The following GLT8D2 variants were observed in gnomAD, a reference collection of about 807,000 sequenced individuals.
GLT8D2 encodes the protein glycosyltransferase 8 domain containing 2, also known as glycosyltransferase 8 domain-containing protein 2.
Under a neutral mutation model 44.5 loss-of-function variants are expected in GLT8D2, and 45 were observed. The observed-to-expected ratio is 1.01, with a 90% CI of 0.80 to 1.30. The LOEUF (loss-of-function observed/expected upper bound fraction) is 1.30. GLT8D2 is among the 50% of genes most tolerant of loss of function. GLT8D2 has a pLI of 0.00. For missense variants in GLT8D2, 400 were observed against 430.4 expected, an observed-to-expected ratio of 0.93 and a Z score of 0.62; for synonymous variants, 156 against 157.2, an observed-to-expected ratio of 0.99 and a Z score of 0.06.
chr12:103,999,446 A>G lies in GLT8D2; in HGVS notation c.353T>C (p.Leu118Pro). 6.2e-7 allele frequency: 1 copy of G among 1,613,498 alleles called. No individual in the cohort carries two copies. ...TGAGTCTGGTCTGATCTTCCCTTTGAGGACCATCGGGTTGAATTCCACGAT... is the reference window on the plus strand; with the variant it reads ...TGAGTCTGGTCTGATCTTCCCTTTGGGGACCATCGGGTTGAATTCCACGAT... ...FKIVEFNPMV[L>P]KGKIRPDSSR... is the part of the protein sequence containing the mutation. The change falls in exon 6 of 11, where the codon CTC becomes CCC. Residue 118 changes from leucine to proline, a missense_variant. By Grantham distance (98) the Leu-to-Pro change is moderately conservative. Transcript: ENST00000360814.
intron 4 of GLT8D2, among the ~76,000 whole-genome samples, chr12:104,007,843 G>T (rs1308808328): frequency 1.3e-5 from 2 of 151,920 alleles, no homozygotes; most frequent in Non-Finnish European, 2.9e-5. Flanking sequence ...TCCCCATACT[G>T]TTCTCATGGT....
intron 8 of GLT8D2, among the ~76,000 whole-genome samples, chr12:103,996,346 A>G (rs889353065): frequency 6.6e-6 from 1 of 152,214 alleles, no homozygotes; most frequent in Non-Finnish European, 1.5e-5. Flanking sequence ...TTTTACAGAA[A>G]ACATCATCTC....
chr12:104,005,639 C>T (rs1170600112), intron 4 of GLT8D2, among the ~76,000 whole-genome samples: 1 of 152,130 alleles, frequency 6.6e-6, no homozygotes, highest in African/African-American at 2.4e-5. Flanking sequence ...AAAATGCTCA[C>T]CATCACTGGC....
At position 104,001,153 on chromosome 12, in the gene GLT8D2, A is replaced by T. The variant is rs372286219; in HGVS notation, c.285-1639T>A. Among the ~76,000 whole-genome samples, 9 of 152,340 alleles carry T rather than the reference A, an allele frequency of 5.9e-5. No homozygotes were observed. In the East Asian group the frequency reaches 1.5e-3, roughly 26 times the overall value. On this transcript the variant is annotated intron_variant, in intron 5 of 10. Transcript: ENST00000360814. ...TAAAGTAGATCATACTATACGAGTT[A>T]TACTGCAGCTAGTTTTTTCCACTTA...
chr12:103,990,078 A>AATAT (rs57178471), intron 10 of GLT8D2, among the ~76,000 whole-genome samples: 17 of 122,262 alleles, frequency 1.4e-4, no homozygotes, highest in Non-Finnish European at 2.3e-4. Flanking sequence ...TATGTGTACA[A>AATAT]ATATATATAT....
At position 103,997,499 on chromosome 12, in the gene GLT8D2, G is replaced by C. The variant is rs1873600239; in HGVS notation, c.439C>G (p.His147Asp). Residue 147 changes from histidine (H) to aspartate (D), a missense_variant, in exon 7 of 11, where the codon CAC becomes GAC. His to Asp is a moderately conservative substitution (Grantham distance 81). Coordinates refer to ENST00000360814, the MANE Select transcript of GLT8D2 (RefSeq NM_001384711.1). ...FVRFYLPLLI[H>D]QHEKVIYLDD... is the part of the protein sequence containing the mutation. ...AAATAGATGACTTTCTCGTGTTGGT[G>C]GATAAGTAGAGGGAGATAAAATCGA... 6.2e-7 allele frequency: 1 copy of C among 1,613,800 alleles called. No individual in the cohort carries two copies.
intron 1 of GLT8D2, among the ~76,000 whole-genome samples, chr12:104,030,569 T>G (rs1407019658): frequency 2.6e-5 from 4 of 152,074 alleles, no homozygotes; most frequent in Admixed American, 6.5e-5. Context: ...GTTTCTGCAC[T>G]GCAAAGGAGC....
chr12:104,032,466 CAAAAA>C (rs547392677), intron 1 of GLT8D2, among the ~76,000 whole-genome samples: 1,979 of 59,686 alleles, frequency 0.033, 92 homozygotes, highest in East Asian at 0.26. Flanking sequence ...TGTGCAATAG[CAAAAA>C]AAAAAAAAAA....
At chr12:104,030,708 T>C (rs1566206532) in intron 1 of GLT8D2, 2 of 1,607,696 alleles carry the variant, frequency 1.2e-6, no homozygotes, top group Non-Finnish European at 1.7e-6. Context: ...ACAAATAACT[T>C]GATTTAAAAA....
chr12:104,016,804 AAG>A lies in GLT8D2; in HGVS notation c.20-1701_20-1700del, dbSNP rs1168078133. ...GAAGGAAGGAAGGAAGGAAGGAAGG[AAG>A]GAAAGAAAGAAAGAGAAAGAAAAGA... On this transcript the variant is annotated intron_variant, in intron 3 of 10. Coordinates refer to ENST00000360814, the MANE Select transcript of GLT8D2 (RefSeq NM_001384711.1). Among the ~76,000 whole-genome samples, 13 of 146,804 alleles carry A rather than the reference AAG, an allele frequency of 8.9e-5. No individual in the cohort carries two copies. The East Asian group carries it at 1.0e-3, about 11-fold the overall frequency.
chr12:104,007,265 T>TCC (rs1555277869), intron 4 of GLT8D2, among the ~76,000 whole-genome samples: 76 of 136,352 alleles, frequency 5.6e-4, no homozygotes, highest in Middle Eastern at 3.6e-3. Context: ...TCTCTCTCTC[T>TCC]CCCCCCGCTC....
Position 103,994,349 on chromosome 12 carries a change from C to T in GLT8D2, c.753G>A (p.Met251Ile), listed in dbSNP as rs756270570. 2 of 1,611,330 alleles carry T rather than the reference C, an allele frequency of 1.2e-6. No homozygotes were observed. The highest frequency in any genetic ancestry group is 1.1e-5 in the South Asian group (1 of 90,454). ...CCTTCACGTACTCCACATTCTTTTG[C>T]ATCCATTTCTCCAATTGCTTGGTGA... is the stretch of plus-strand genomic sequence containing the variant. ...QRITKQLEKW[M>I]QKNVEENLYS... The change falls in exon 9 of 11, where the codon ATG (methionine) becomes ATA (isoleucine). Residue 251 changes from methionine (M) to isoleucine (I), a missense_variant. By Grantham distance (10) the Met-to-Ile change is conservative. Coordinates refer to ENST00000360814, the MANE Select transcript of GLT8D2 (RefSeq NM_001384711.1).
rs571025208 is a variant in GLT8D2 at position 104,026,110 on chromosome 12, C to T, written c.-163-4619G>A. 2.0e-5 allele frequency among the ~76,000 whole-genome samples: 3 copies of T among 152,016 alleles called. No individual in the cohort carries two copies. The South Asian group carries it at 6.2e-4, about 32-fold the overall frequency. The stretch of plus-strand genomic sequence containing the variant: ...CCTGGACAATATGGTGAAACCCCAT[C>T]TCTACTAAAAATTCAAAAATTGGCT... On this transcript the variant is annotated intron_variant, in intron 1 of 10. Coordinates refer to ENST00000360814, the MANE Select transcript of GLT8D2 (RefSeq NM_001384711.1).
intron 1 of GLT8D2, among the ~76,000 whole-genome samples, chr12:104,042,756 T>C (rs756462371): frequency 5.3e-5 from 8 of 152,096 alleles, no homozygotes; most frequent in Non-Finnish European, 7.4e-5. Flanking sequence ...ACATGAAACA[T>C]AGCTGATGAG....
At chr12:104,048,324 A>G (rs879626452) in intron 1 of GLT8D2, among the ~76,000 whole-genome samples, 6 of 152,216 alleles carry the variant, frequency 3.9e-5, no homozygotes, top group Non-Finnish European at 8.8e-5. Flanking sequence ...GCGTTAAACA[A>G]CCTTAAGAGG....
At chr12:103,996,674 G>A (rs111374835) in intron 8 of GLT8D2, 61 bp downstream of exon 8, 3 of 1,172,264 alleles carry the variant, frequency 2.6e-6, no homozygotes, top group Admixed American at 1.9e-5. Flanking sequence ...ACTTGCAGAG[G>A]GGGGAGAAGG....
At chr12:104,004,042 C>T (rs748532010) in intron 4 of GLT8D2, among the ~76,000 whole-genome samples, 17 of 152,058 alleles carry the variant, frequency 1.1e-4, no homozygotes, top group South Asian at 2.1e-4. Context: ...TAATCAAGTG[C>T]GCTTCATCCC....
At chr12:104,003,377 C>T (rs1226914153) in intron 4 of GLT8D2, 71 bp from the exon 5 acceptor site, 1 of 1,327,382 alleles carries the variant, frequency 7.5e-7, no homozygotes, top group African/African-American at 1.4e-5. Flanking sequence ...ATGCATCTTC[C>T]ATACTCCTGG....
chr12:104,059,803 T>G (rs1026253164), intron 1 of GLT8D2, among the ~76,000 whole-genome samples: 6 of 152,196 alleles, frequency 3.9e-5, no homozygotes, highest in Non-Finnish European at 8.8e-5. Flanking sequence ...GGTTGTGCTC[T>G]TCCGACCTTT....
Sources: gnomAD v4.1 joint callset for allele counts (sites outside exome capture counted in the v4.1 genomes callset) on GRCh38, gnomAD v4.1.1 for gene constraint, MANE v1.5 for transcripts, NCBI Gene and HGNC (gene_info 2026-07-23, HGNC 2026-07-21) for gene names.